GREB1L: variants seen among roughly 807,000 people sequenced by gnomAD.
GREB1L encodes the protein GREB1 like retinoic acid receptor coactivator, also known as GREB1-like protein.
A neutral mutation model predicts 200.8 loss-of-function variants in GREB1L; 17 were observed. The ratio of observed to expected loss-of-function variants is 0.08; its 90% CI spans 0.06 to 0.13. GREB1L has a LOEUF of 0.13. Ranked by LOEUF, GREB1L falls within the 10% of genes least tolerant of loss-of-function variation. The probability of loss-of-function intolerance (pLI) is 1.00; values close to 1 mark genes in which losing one functional copy is unlikely to be tolerated. For synonymous variants in GREB1L, 789 were observed against 893.0 expected, an observed-to-expected ratio of 0.88 and a Z score of 2.08; for missense variants, 1,657 against 2,367.7, an observed-to-expected ratio of 0.70 and a Z score of 6.23.
chr18:21,497,420 A>G (rs1467166691), intron 21 of GREB1L, among the ~76,000 whole-genome samples: 6 of 152,208 alleles, frequency 3.9e-5, no homozygotes, highest in Non-Finnish European at 5.9e-5. Flanking sequence ...AGGCAGGTGG[A>G]TCACCTGAGG....
At position 21,496,822 on chromosome 18, in the gene GREB1L, A is replaced by G. The variant is rs530343290; in HGVS notation, c.3391+124A>G. ...TTCAGAGGAGCCTTCAGGGACTGGCATCCTCTCCAGACCCAGCTCCAGGTG... is the reference window on the plus strand; with the variant it reads ...TTCAGAGGAGCCTTCAGGGACTGGCGTCCTCTCCAGACCCAGCTCCAGGTG... On this transcript the variant is annotated intron_variant, in intron 21 of 32. Transcript: ENST00000424526. 13 of 1,074,586 alleles carry G rather than the reference A, an allele frequency of 1.2e-5. No homozygotes were observed. The African/African-American group carries it at 1.3e-4, about 10-fold the overall frequency. The allele number at this position is 1,074,586 out of a possible 1,614,324, so 66.6% of individuals were successfully genotyped here. A position where few individuals can be genotyped will look rare whatever the true frequency, so the allele number is the denominator to read the frequency against.
chr18:21,518,324 G>A, intron 31 of GREB1L, 90 bp downstream of exon 31: 2 of 1,227,132 alleles, frequency 1.6e-6, no homozygotes, highest in Non-Finnish European at 2.3e-6. Context: ...CCTGTGACAT[G>A]AAATATCAAT....
intron 7 of GREB1L, among the ~76,000 whole-genome samples, chr18:21,420,892 A>G (rs1474473771): frequency 2.6e-5 from 4 of 152,244 alleles, no homozygotes; most frequent in African/African-American, 7.2e-5. Context: ...CCAAAAGTCT[A>G]TAACAGGTGA....
At chr18:21,517,960 C>T (rs1353743593) in intron 30 of GREB1L, 74 bp from the exon 31 acceptor site, 1 of 1,155,466 alleles carries the variant, frequency 8.7e-7, no homozygotes, top group African/African-American at 1.5e-5. Context: ...TGTTAGGATA[C>T]ACTTCAGTGT....
chr18:21,329,220 G>C (rs1483848700), intron 1 of GREB1L, among the ~76,000 whole-genome samples: 1 of 151,694 alleles, frequency 6.6e-6, no homozygotes, highest in East Asian at 1.9e-4. Context: ...AACCAGTTGG[G>C]AGGCTGAGGC....
chr18:21,509,662 T>G (rs2037159324), intron 27 of GREB1L, among the ~76,000 whole-genome samples: 1 of 152,172 alleles, frequency 6.6e-6, no homozygotes, highest in African/African-American at 2.4e-5. Context: ...TTCTGAATAT[T>G]TCTGTTCCTT....
chr18:21,342,593 G>A (rs1393462453), intron 1 of GREB1L, among the ~76,000 whole-genome samples: 1 of 152,076 alleles, frequency 6.6e-6, no homozygotes, highest in Non-Finnish European at 1.5e-5. Flanking sequence ...TTTACCAGAC[G>A]CTCACTGCTT....
At chr18:21,436,216 C>T (rs2033526014) in intron 7 of GREB1L, among the ~76,000 whole-genome samples, 1 of 152,094 alleles carries the variant, frequency 6.6e-6, no homozygotes, top group South Asian at 2.1e-4. Flanking sequence ...GTTCAACAGC[C>T]ATTTAATTTA....
At chr18:21,461,486 A>T (rs1391269037) in intron 15 of GREB1L, among the ~76,000 whole-genome samples, 1 of 151,968 alleles carries the variant, frequency 6.6e-6, no homozygotes, top group Non-Finnish European at 1.5e-5. Flanking sequence ...CACCTGGCAA[A>T]CTGGCTCCCA....
At chr18:21,406,611 G>A (rs1311676143) in intron 7 of GREB1L, among the ~76,000 whole-genome samples, 2 of 152,136 alleles carry the variant, frequency 1.3e-5, no homozygotes, top group Admixed American at 6.5e-5. Context: ...ATTAGCATGT[G>A]CAGCACTTCC....
In GREB1L at chr18:21,462,285, G is replaced by T. The variant is rs539283558; in HGVS notation, c.2182+7722G>T. The stretch of plus-strand genomic sequence containing the variant: ...ATTCCATAGAACTGTGATAAATTAA[G>T]TTAGTAAGGAAACAGAATAAAAGTG... On this transcript the variant is annotated intron_variant, in intron 15 of 32. Coordinates refer to ENST00000424526, the MANE Select transcript of GREB1L (RefSeq NM_001142966.3). Among the ~76,000 whole-genome samples, 5 of 152,312 alleles carry T rather than the reference G, an allele frequency of 3.3e-5. No individual in the cohort carries two copies. In the East Asian group the frequency reaches 9.6e-4, roughly 29 times the overall value.
intron 1 of GREB1L, among the ~76,000 whole-genome samples, chr18:21,320,154 T>A (rs1289674271): frequency 6.6e-6 from 1 of 152,152 alleles, no homozygotes; most frequent in Non-Finnish European, 1.5e-5. Context: ...CTAGAACTTG[T>A]CTCATTCAAG....
chr18:21,261,543 A>G (rs1489283784), intron 1 of GREB1L, among the ~76,000 whole-genome samples: 4 of 151,990 alleles, frequency 2.6e-5, no homozygotes, highest in Non-Finnish European at 5.9e-5. Context: ...GTCTTTAGTC[A>G]TTTCATTACC....
At chr18:21,289,546 G>A (rs6508316) in intron 1 of GREB1L, among the ~76,000 whole-genome samples, 2,941 of 150,964 alleles carry the variant, frequency 0.019, 46 homozygotes, top group Non-Finnish European at 0.031. Context: ...ATCCCCCCCC[G>A]CAAAAAAAAG....
chr18:21,440,822 C>T (rs1218777937), intron 9 of GREB1L, among the ~76,000 whole-genome samples: 3 of 152,180 alleles, frequency 2.0e-5, no homozygotes, highest in Admixed American at 6.5e-5. Flanking sequence ...TAACTGTAGC[C>T]ATTTGGTATC....
At chr18:21,390,282 CCTT>C (rs1352269834) in intron 4 of GREB1L, among the ~76,000 whole-genome samples, 1 of 138,290 alleles carries the variant, frequency 7.2e-6, no homozygotes, top group Non-Finnish European at 1.5e-5. Context: ...AGAGTGCACT[CCTT>C]CTACTTATTA....
chr18:21,479,571 C>T (rs900528648), intron 17 of GREB1L, among the ~76,000 whole-genome samples: 1 of 151,802 alleles, frequency 6.6e-6, no homozygotes, highest in Admixed American at 6.6e-5. Flanking sequence ...CCCAGCTACT[C>T]AGGAGGCTGA....
chr18:21,265,408 G>C (rs1046694480), intron 1 of GREB1L, among the ~76,000 whole-genome samples: 1 of 152,134 alleles, frequency 6.6e-6, no homozygotes, highest in Non-Finnish European at 1.5e-5. Context: ...AAAAACTGAT[G>C]AGCTTGAATT....
rs1278176491 is a variant in GREB1L, at chr18:21,454,541, T to G, written c.2160T>G (p.Thr720=). ...GATCGGAGGTGTTGGTTCAGCAAACTCTTCAGCGGATTCGACAATCAGGTA... is the reference window on the plus strand; with the variant it reads ...GATCGGAGGTGTTGGTTCAGCAAACGCTTCAGCGGATTCGACAATCAGGTA... The part of the protein sequence containing the change: ...VPRSEVLVQQ[T]LQRIRQSGVL... Residue 720 remains threonine (T), a synonymous_variant, in exon 15 of 33, where the codon ACT becomes ACG. Coordinates refer to ENST00000424526, the MANE Select transcript of GREB1L (RefSeq NM_001142966.3). 1 of 1,551,564 alleles carries G rather than the reference T, an allele frequency of 6.4e-7. No individual in the cohort carries two copies. The highest frequency in any genetic ancestry group is 1.4e-5 in the African/African-American group (1 of 73,138).
Sources: allele counts gnomAD v4.1 joint callset (sites outside exome capture counted in the v4.1 genomes callset), GRCh38; gene constraint gnomAD v4.1.1; transcripts MANE v1.5; gene names NCBI Gene and HGNC (gene_info 2026-07-23, HGNC 2026-07-21).